The following CRTAC1 variants were observed in gnomAD, a reference collection of about 807,000 sequenced individuals.
CRTAC1 encodes cartilage acidic protein 1.
A neutral mutation model predicts 67.8 loss-of-function variants in CRTAC1; 37 were observed. That is an observed-to-expected ratio of 0.55 (90% CI 0.42 to 0.72). The LOEUF is 0.72. CRTAC1 is among the 30% of genes least tolerant of loss of function. CRTAC1 has a pLI of 0.00. For missense variants in CRTAC1, 780 were observed against 931.6 expected, an observed-to-expected ratio of 0.84 and a Z score of 2.12; for synonymous variants, 348 against 371.0, an observed-to-expected ratio of 0.94 and a Z score of 0.71.
Position 98,030,575 on chromosome 10 carries a change from G to T in CRTAC1, c.-103C>A. The T allele has an allele frequency of 1.2e-6, 1 of 824,244 alleles. No individual in the cohort carries two copies. The highest frequency in any genetic ancestry group is 1.6e-6 in the Non-Finnish European group (1 of 613,528). 51.1% of individuals were successfully genotyped at this position (824,244 alleles called of 1,614,324 possible). A position where few individuals can be genotyped will look rare whatever the true frequency, so the allele number is the denominator to read the frequency against. ...CTGCTTGCTCCCAGCCCCGGTCCCG[G>T]GCTGGCCTCGAGCCTCCCGCCCCGA... On this transcript the variant is annotated 5_prime_UTR_variant, in exon 1 of 15. Coordinates refer to ENST00000370597, the MANE Select transcript of CRTAC1 (RefSeq NM_018058.7). This position sits in a 1 kb window ranked among gnomAD's most constrained non-coding sequence, Gnocchi z 4.2.
At chr10:98,028,396 T>C (rs1843283652) in intron 1 of CRTAC1, among the ~76,000 whole-genome samples, 1 of 152,178 alleles carries the variant, frequency 6.6e-6, no homozygotes, top group African/African-American at 2.4e-5. Context: ...CTGCTCCACC[T>C]TTAGGCTTCC....
At chr10:97,925,756 AGAGT>A (rs1477654930) in intron 3 of CRTAC1, among the ~76,000 whole-genome samples, 4 of 151,566 alleles carry the variant, frequency 2.6e-5, no homozygotes, top group African/African-American at 9.7e-5. Flanking sequence ...GGCATGACTG[AGAGT>A]GAGTGTGAGC....
chr10:97,994,010 C>G (rs557992714), intron 2 of CRTAC1, among the ~76,000 whole-genome samples: 1 of 152,234 alleles, frequency 6.6e-6, no homozygotes, highest in East Asian at 1.9e-4. Flanking sequence ...GCATGCACCA[C>G]CATGCCTGGC....
chr10:97,927,763 G>A (rs560235383), intron 3 of CRTAC1, among the ~76,000 whole-genome samples: 1 of 152,386 alleles, frequency 6.6e-6, no homozygotes, highest in South Asian at 2.1e-4. Flanking sequence ...AGAGATGGGA[G>A]CCCGTGATTT....
chr10:97,891,181 T>G (rs1228867238), intron 11 of CRTAC1, among the ~76,000 whole-genome samples: 1 of 152,210 alleles, frequency 6.6e-6, no homozygotes, highest in Non-Finnish European at 1.5e-5. Flanking sequence ...GAAGAAACAT[T>G]TACTTTTTCC....
chr10:97,959,463 GA>G (rs2051490287), intron 2 of CRTAC1, among the ~76,000 whole-genome samples: 1 of 152,200 alleles, frequency 6.6e-6, no homozygotes, highest in African/African-American at 2.4e-5. Context: ...TGTCTATAAG[GA>G]ATATCTGAGC....
At chr10:98,018,376 C>A (rs1215756230) in intron 1 of CRTAC1, among the ~76,000 whole-genome samples, 2 of 152,014 alleles carry the variant, frequency 1.3e-5, no homozygotes, top group Non-Finnish European at 2.9e-5. Context: ...GATCGTATGA[C>A]CTGCCAAGAT....
intron 14 of CRTAC1, among the ~76,000 whole-genome samples, chr10:97,874,865 T>G (rs973479165): frequency 6.6e-5 from 10 of 152,226 alleles, no homozygotes; most frequent in African/African-American, 2.4e-4. Flanking sequence ...CCTTCCCGGA[T>G]GGCCTTGATG....
chr10:97,926,196 C>T (rs1236508216), intron 3 of CRTAC1, among the ~76,000 whole-genome samples: 2 of 152,182 alleles, frequency 1.3e-5, no homozygotes, highest in Non-Finnish European at 2.9e-5. Flanking sequence ...CTGCGCTGAG[C>T]TGCTGTGGCC....
At chr10:97,948,123 A>T (rs903449392) in intron 2 of CRTAC1, among the ~76,000 whole-genome samples, 2 of 151,602 alleles carry the variant, frequency 1.3e-5, no homozygotes. Flanking sequence ...AAAAAAAAAA[A>T]ACTCTTCTGA....
At chr10:97,882,918 C>T (rs2050235127) in intron 12 of CRTAC1, 90 bp from the exon 13 acceptor site, 1 of 1,337,932 alleles carries the variant, frequency 7.5e-7, no homozygotes, top group Non-Finnish European at 1.1e-6. Flanking sequence ...GTAGTTGTCA[C>T]CCTAACCACA....
chr10:97,912,915 G>A (rs1393871926), intron 5 of CRTAC1, among the ~76,000 whole-genome samples: 1 of 152,204 alleles, frequency 6.6e-6, no homozygotes, highest in East Asian at 1.9e-4. Flanking sequence ...GCTGATTCCT[G>A]TGCCCATCTA....
At chr10:97,896,697 G>C (rs532290788) in intron 9 of CRTAC1, among the ~76,000 whole-genome samples, 4 of 152,312 alleles carry the variant, frequency 2.6e-5, no homozygotes, top group Non-Finnish European at 4.4e-5. Flanking sequence ...GATTGGGGGA[G>C]TGGACCATCC....
chr10:97,900,252 C>G (rs188453416), intron 8 of CRTAC1, among the ~76,000 whole-genome samples: 21 of 152,310 alleles, frequency 1.4e-4, no homozygotes, highest in African/African-American at 4.8e-4. Flanking sequence ...TACCAGGAAC[C>G]CTTGTCATCC....
chr10:98,009,516 A>T (rs1842866504), intron 2 of CRTAC1, among the ~76,000 whole-genome samples: 1 of 152,232 alleles, frequency 6.6e-6, no homozygotes, highest in Non-Finnish European at 1.5e-5. Flanking sequence ...GAGGCAGGCC[A>T]GTAGATTTCA....
At chr10:97,966,292 TACAGACCGGG>T (rs2051615239) in intron 2 of CRTAC1, among the ~76,000 whole-genome samples, 1 of 152,260 alleles carries the variant, frequency 6.6e-6, no homozygotes, top group African/African-American at 2.4e-5. Context: ...GTATTTTTAG[TACAGACCGGG>T]TTTTGCCATG....
intron 1 of CRTAC1, among the ~76,000 whole-genome samples, chr10:98,026,243 GGTTT>G (rs755334055): frequency 6.6e-5 from 10 of 152,300 alleles, no homozygotes; most frequent in Non-Finnish European, 1.5e-4. Flanking sequence ...GAGGTTAAGT[GGTTT>G]GTTTAAGGTC....
intron 1 of CRTAC1, among the ~76,000 whole-genome samples, chr10:98,021,311 C>T (rs913446301): frequency 9.2e-5 from 14 of 152,158 alleles, no homozygotes; most frequent in Admixed American, 9.2e-4. Context: ...CTCCCCTCTA[C>T]CTGGAGACAG....
intron 2 of CRTAC1, among the ~76,000 whole-genome samples, chr10:98,010,134 G>A (rs1842877620): frequency 6.6e-6 from 1 of 151,886 alleles, no homozygotes; most frequent in African/African-American, 2.4e-5. Flanking sequence ...CCGCCTCCTG[G>A]GTTCAAGCAA....
Sources: gnomAD v4.1 joint callset for allele counts (sites outside exome capture counted in the v4.1 genomes callset) on GRCh38, gnomAD v4.1.1 for gene constraint, Gnocchi (gnomAD v3.1) non-coding constraint, MANE v1.5 for transcripts, NCBI Gene and HGNC (gene_info 2026-07-23, HGNC 2026-07-21) for gene names.